Variants in LGSN observed in about 807,000 individuals in gnomAD.
The protein encoded by LGSN is lengsin.
In LGSN, 21 loss-of-function variants were observed where a neutral mutation model predicts 19.5. The ratio of observed to expected loss-of-function variants is 1.07; its 90% CI spans 0.76 to 1.55. LGSN has a LOEUF of 1.55. Among genes scored for constraint, LGSN ranks in the 40% most tolerant of loss-of-function variants. LGSN has a pLI of 0.00. For synonymous variants in LGSN, 257 were observed against 215.6 expected (o/e 1.19, Z -1.68); for missense variants, 673 against 608.5 (o/e 1.11, Z -1.12).
At chr6:63,370,390 AG>A in the LGSN span, among the ~76,000 whole-genome samples, 1 of 152,234 alleles carries the variant, frequency 6.6e-6, no homozygotes, top group Non-Finnish European at 1.5e-5. Context: ...CCTACTCAGA[AG>A]GACTTATAAG....
the LGSN span, among the ~76,000 whole-genome samples, chr6:63,546,103 C>G: frequency 1.3e-5 from 2 of 151,884 alleles, no homozygotes; most frequent in African/African-American, 4.8e-5. Flanking sequence ...TTCACAATAG[C>G]CAACAAATAA....
chr6:63,365,922 A>G, the LGSN span, among the ~76,000 whole-genome samples: 2 of 152,208 alleles, frequency 1.3e-5, no homozygotes, highest in African/African-American at 2.4e-5. Context: ...TAAACTAAGT[A>G]TTGATGGGAT....
At chr6:63,297,107 C>T (rs1188129128) in intron 1 of LGSN, among the ~76,000 whole-genome samples, 1 of 151,954 alleles carries the variant, frequency 6.6e-6, no homozygotes, top group Non-Finnish European at 1.5e-5. Flanking sequence ...TTTGAGAGGC[C>T]AAGGCGGGTG....
At chr6:63,535,748 C>T in the LGSN span, among the ~76,000 whole-genome samples, 2 of 152,180 alleles carry the variant, frequency 1.3e-5, no homozygotes, top group African/African-American at 4.8e-5. Flanking sequence ...ACAAAGCTGA[C>T]AGCCTTCCGG....
chr6:63,447,665 AT>A, the LGSN span, among the ~76,000 whole-genome samples: 1 of 152,106 alleles, frequency 6.6e-6, no homozygotes, highest in Non-Finnish European at 1.5e-5. Flanking sequence ...CATCCTATTC[AT>A]TTTTCAGAAT....
chr6:63,548,472 C>T, the LGSN span, among the ~76,000 whole-genome samples: 1 of 152,152 alleles, frequency 6.6e-6, no homozygotes, highest in East Asian at 1.9e-4. Context: ...CATAGGTGCT[C>T]TCAGTTTTCT....
the LGSN span, among the ~76,000 whole-genome samples, chr6:63,325,705 CT>C: frequency 6.6e-6 from 1 of 152,136 alleles, no homozygotes; most frequent in East Asian, 1.9e-4. Context: ...GAGTTTGTTC[CT>C]TCTGATGTTC....
At chr6:63,378,030 T>A in the LGSN span, among the ~76,000 whole-genome samples, 1 of 141,602 alleles carries the variant, frequency 7.1e-6, no homozygotes, top group Non-Finnish European at 1.5e-5. Context: ...TAAACCAGAT[T>A]TTTGAAAAAA....
At chr6:63,556,920 A>C in the LGSN span, among the ~76,000 whole-genome samples, 1 of 152,130 alleles carries the variant, frequency 6.6e-6, no homozygotes, top group Non-Finnish European at 1.5e-5. Context: ...TCATCCTCTA[A>C]TCTCATTGTC....
chr6:63,317,806 A>G (rs1052613318), intron 1 of LGSN, among the ~76,000 whole-genome samples: 2 of 152,146 alleles, frequency 1.3e-5, no homozygotes, highest in Non-Finnish European at 2.9e-5. Context: ...CCCAGATGGC[A>G]TTCATTCCTT....
At chr6:63,395,693 G>C in the LGSN span, 1 of 153,380 alleles carries the variant, frequency 6.5e-6, no homozygotes, top group Admixed American at 6.5e-5. Context: ...AGGACTTTGC[G>C]AGGCTGGGCT....
In LGSN at chr6:63,319,124, C is replaced by T. The variant is rs1176089537; in HGVS notation, c.30+790G>A. On this transcript the variant is annotated intron_variant, in intron 1 of 3. Coordinates refer to ENST00000370657, the MANE Select transcript of LGSN (RefSeq NM_016571.3). ...AACTGCTTGTATTCACTATACAGAT[C>T]AGTGAACCCATTCTTAGATGTTAGC... Among the ~76,000 whole-genome samples, 21 of 152,250 alleles carry T rather than the reference C, an allele frequency of 1.4e-4. No homozygotes were observed. The East Asian group carries it at 4.1e-3, about 29-fold the overall frequency.
At chr6:63,455,708 C>A in the LGSN span, among the ~76,000 whole-genome samples, 5 of 151,798 alleles carry the variant, frequency 3.3e-5, no homozygotes, top group Admixed American at 6.6e-5. Context: ...GAGCTGAGAT[C>A]GCATCATTGC....
At chr6:63,484,553 T>C in the LGSN span, among the ~76,000 whole-genome samples, 1 of 151,884 alleles carries the variant, frequency 6.6e-6, no homozygotes, top group Admixed American at 6.6e-5. Flanking sequence ...CCCAGAAGAC[T>C]ACCCAGATGT....
At chr6:63,384,489 TTG>T in the LGSN span, among the ~76,000 whole-genome samples, 21,423 of 131,182 alleles carry the variant, frequency 0.16, 1,627 homozygotes, top group Non-Finnish European at 0.19. Context: ...AAATAACACC[TTG>T]TGTGTGTGTG....
the LGSN span, among the ~76,000 whole-genome samples, chr6:63,375,426 A>C: frequency 6.6e-6 from 1 of 151,322 alleles, no homozygotes; most frequent in African/African-American, 2.4e-5. Flanking sequence ...ATTATATAGC[A>C]ATTATGATCT....
chr6:63,465,255 G>A, the LGSN span, among the ~76,000 whole-genome samples: 2 of 151,508 alleles, frequency 1.3e-5, no homozygotes, highest in South Asian at 4.2e-4. Context: ...ATCTCGGCTC[G>A]CTGCAACCTC....
the LGSN span, among the ~76,000 whole-genome samples, chr6:63,357,663 A>C: frequency 0.13 from 19,820 of 152,082 alleles, 2,854 homozygotes; most frequent in African/African-American, 0.36. Context: ...TCCTTTGCCC[A>C]CTTGTTGATG....
At chr6:63,453,785 C>T in the LGSN span, among the ~76,000 whole-genome samples, 1 of 152,100 alleles carries the variant, frequency 6.6e-6, no homozygotes, top group African/African-American at 2.4e-5. Flanking sequence ...TCCCAAGTAG[C>T]TGGAACTACA....
Sources: allele counts gnomAD v4.1 joint callset (sites outside exome capture counted in the v4.1 genomes callset), GRCh38; gene constraint gnomAD v4.1.1; transcripts MANE v1.5; gene names NCBI Gene and HGNC (gene_info 2026-07-23, HGNC 2026-07-21).